GTPBP4: variants seen among roughly 807,000 people sequenced by gnomAD.
GTPBP4 encodes the protein GTP-binding protein 4.
Under a neutral mutation model 81.7 loss-of-function variants are expected in GTPBP4, and 15 were observed. That is an observed-to-expected ratio of 0.18 (90% CI 0.12 to 0.28). The LOEUF (loss-of-function observed/expected upper bound fraction) is 0.28, where lower values mean the gene tolerates loss of function less well. Ranked by LOEUF, GTPBP4 falls within the 10% of genes least tolerant of loss-of-function variation. The pLI is 1.00. For synonymous variants in GTPBP4, 272 were observed against 274.6 expected (o/e 0.99, Z 0.09); for missense variants, 847 against 793.8 (o/e 1.07, Z -0.81).
chr10:993,032 C>T (rs532688212), intron 2 of GTPBP4, among the ~76,000 whole-genome samples: 15 of 152,242 alleles, frequency 9.9e-5, no homozygotes, highest in Non-Finnish European at 2.2e-4. Context: ...CTTCCACCTT[C>T]TTTCCAAGGG....
chr10:997,485 A>C (rs1255708869), intron 5 of GTPBP4, among the ~76,000 whole-genome samples, 177 bp downstream of exon 5: 1 of 152,188 alleles, frequency 6.6e-6, no homozygotes, highest in Non-Finnish European at 1.5e-5. Flanking sequence ...TCCTTGAGTA[A>C]AACACTGCCC....
chr10:1,006,364 C>T (rs561135609), intron 9 of GTPBP4, among the ~76,000 whole-genome samples: 11 of 152,220 alleles, frequency 7.2e-5, no homozygotes, highest in Non-Finnish European at 1.6e-4. Flanking sequence ...TCTGGCCAGG[C>T]GCAGTGGCTC....
chr10:1,006,277 AG>A (rs1831729897), intron 9 of GTPBP4, among the ~76,000 whole-genome samples: 1 of 152,280 alleles, frequency 6.6e-6, no homozygotes, highest in Admixed American at 6.5e-5. Flanking sequence ...TGCAGGAGGC[AG>A]TCCGCTGCTG....
At chr10:1,003,364 A>G (rs1387738120) in intron 8 of GTPBP4, among the ~76,000 whole-genome samples, 4 of 152,188 alleles carry the variant, frequency 2.6e-5, no homozygotes, top group Non-Finnish European at 5.9e-5. Flanking sequence ...CAAAAAAATT[A>G]TTATTTTGAA....
chr10:1,009,324 T>C (rs925233316), intron 11 of GTPBP4, among the ~76,000 whole-genome samples: 2 of 151,932 alleles, frequency 1.3e-5, no homozygotes, highest in Non-Finnish European at 2.9e-5. Flanking sequence ...GACAGGGAGA[T>C]AAGAAACAGC....
intron 1 of GTPBP4, among the ~76,000 whole-genome samples, chr10:990,923 G>A (rs1339010240): frequency 4.0e-5 from 6 of 151,852 alleles, no homozygotes; most frequent in South Asian, 2.1e-4. Flanking sequence ...ATGTGCGAAC[G>A]GCATTAGGTG....
chr10:999,173 C>A, intron 6 of GTPBP4, 78 bp downstream of exon 6: 13 of 809,918 alleles, frequency 1.6e-5, no homozygotes, highest in South Asian at 1.6e-4. Context: ...GGCTGGAGTG[C>A]AGTGGCATGA....
At chr10:1,007,745 G>A in intron 10 of GTPBP4, 1 of 381,328 alleles carries the variant, frequency 2.6e-6, no homozygotes, top group Non-Finnish European at 5.1e-6. Context: ...GCTGGAGGCT[G>A]TGTCCTTCCC....
chr10:999,093 C>A lies in GTPBP4; in HGVS notation c.652C>A (p.Gln218Lys). 6.7e-7 allele frequency: 1 copy of A among 1,503,154 alleles called. No homozygotes were observed. Among genetic ancestry groups the A allele is most frequent in the Non-Finnish European group, 9.3e-7 (1 of 1,078,726 alleles). The allele number at this position is 1,503,154 out of a possible 1,614,324, so 93.1% of individuals were successfully genotyped here. ...CATGGATTATAAGTATCTACGTTGG[C>A]AGGTGAGAGTCTTGTCTTTATTTTT... The part of the protein sequence containing the change: ...GHMDYKYLRW[Q>K]VVDTPGILDH... The change falls in exon 6 of 17, where the codon CAG becomes AAG. Residue 218 changes from glutamine (Q) to lysine (K), a missense_variant and splice_region_variant. This residue lies in a region of GTPBP4 where 600 missense variants were observed against 557.1 expected (regional missense o/e 1.08). Transcript: ENST00000360803.
chr10:992,270 C>G (rs1325151580), intron 1 of GTPBP4, among the ~76,000 whole-genome samples: 28 of 151,406 alleles, frequency 1.8e-4, no homozygotes, highest in African/African-American at 5.6e-4. Context: ...TGTGGTGGCA[C>G]GCGCCTGTAG....
chr10:995,069 A>T (rs184492536), intron 2 of GTPBP4, among the ~76,000 whole-genome samples: 7 of 152,228 alleles, frequency 4.6e-5, no homozygotes, highest in Non-Finnish European at 8.8e-5. Flanking sequence ...GGGACATGGG[A>T]TTGGAGGTGG....
chr10:1,008,137 G>A (rs1167122369), intron 10 of GTPBP4: 1 of 454,402 alleles, frequency 2.2e-6, no homozygotes, highest in South Asian at 1.6e-5. Flanking sequence ...TTCTTGCTGG[G>A]TGCAGTGGCT....
intron 13 of GTPBP4, 121 bp downstream of exon 13, chr10:1,010,641 C>T (rs1831836666): frequency 4.2e-6 from 3 of 712,622 alleles, no homozygotes; most frequent in African/African-American, 1.8e-5. Context: ...CCCCTCCATC[C>T]TGACTCTGCC....
At chr10:1,010,744 A>C (rs10752023) in intron 13 of GTPBP4, among the ~76,000 whole-genome samples, 118,532 of 130,326 alleles carry the variant, frequency 0.91, 53,661 homozygotes, top group East Asian at 0.99. Flanking sequence ...CGCCGCCTCC[A>C]CCCACCCACC....
At position 1,012,686 on chromosome 10, in the gene GTPBP4, A is replaced by AG. The variant is rs751528193; in HGVS notation, c.1542+25dup. 5.8e-6 allele frequency: 9 copies of AG among 1,558,838 alleles called. No individual in the cohort carries two copies. In the South Asian group the frequency reaches 9.2e-5, roughly 16 times the overall value. On this transcript the variant is annotated intron_variant, in intron 14 of 16. Transcript: ENST00000360803. ...AGGCAAGTTTGTGTCTTTCCAAAGC[A>AG]GTGTGATCTAGTTTTTGAAAATTGG...
chr10:996,343 G>T (rs1030831785), intron 4 of GTPBP4, 101 bp downstream of exon 4: 2 of 997,194 alleles, frequency 2.0e-6, no homozygotes, highest in Non-Finnish European at 2.9e-6. Flanking sequence ...TTTTGGAGAT[G>T]ACAGGGTCAG....
At chr10:1,012,941 G>A (rs1005426069) in intron 14 of GTPBP4, among the ~76,000 whole-genome samples, 3 of 152,120 alleles carry the variant, frequency 2.0e-5, no homozygotes, top group Non-Finnish European at 4.4e-5. Flanking sequence ...GTTCACAGAC[G>A]TTCAAGGCTA....
At position 1,019,640 on chromosome 10, in the gene GTPBP4, C is replaced by T. The variant is rs201575182; in HGVS notation, c.*2413C>T. 4.6e-4 allele frequency: 750 copies of T among 1,614,034 alleles called. 5 individuals are homozygous for T. Among genetic ancestry groups the T allele is most frequent in the South Asian group, 4.3e-3 (392 of 91,068 alleles). ...AGGGGGTGACTTTGACTTCACCCCT[C>T]GCCTCCCTCTCCAGCAGCTCCCACA... On this transcript the variant is annotated 3_prime_UTR_variant, in exon 17 of 17. Transcript: ENST00000360803.
intron 13 of GTPBP4, among the ~76,000 whole-genome samples, chr10:1,010,984 G>A (rs1033538745): frequency 7.0e-6 from 1 of 143,496 alleles, no homozygotes; most frequent in Non-Finnish European, 1.5e-5. Context: ...TCCTGACTGT[G>A]CCTCCTGCAC....
Sources: allele counts gnomAD v4.1 joint callset (sites outside exome capture counted in the v4.1 genomes callset), GRCh38; gene constraint gnomAD v4.1.1; regional missense constraint gnomAD v4.1.1; transcripts MANE v1.5; gene names NCBI Gene and HGNC (gene_info 2026-07-23, HGNC 2026-07-21).